Variants in CTBP2 observed in about 807,000 individuals in gnomAD.
The protein encoded by CTBP2 is C-terminal-binding protein 2.
A neutral mutation model predicts 80.3 loss-of-function variants in CTBP2; 30 were observed. The observed-to-expected ratio is 0.37, with a 90% CI of 0.28 to 0.51. The LOEUF (loss-of-function observed/expected upper bound fraction) is 0.51. Ranked by LOEUF, CTBP2 falls within the 20% of genes least tolerant of loss-of-function variation. CTBP2 has a pLI of 0.93. For missense variants in CTBP2, 1,212 were observed against 1,375.3 expected (o/e 0.88, Z 1.88); for synonymous variants, 594 against 587.4 (o/e 1.01, Z -0.16).
intron 8 of CTBP2, among the ~76,000 whole-genome samples, chr10:124,992,282 C>G (rs1363495440): frequency 7.3e-6 from 1 of 137,114 alleles, no homozygotes; most frequent in African/African-American, 2.7e-5. Context: ...GTGGCCTAGG[C>G]TGGAGTGCAG....
chr10:125,143,435 G>A (rs992548172), intron 1 of CTBP2, among the ~76,000 whole-genome samples: 13 of 152,120 alleles, frequency 8.5e-5, no homozygotes, highest in African/African-American at 2.9e-4. Flanking sequence ...CGGAGAACTC[G>A]CCACTGCACT....
In CTBP2 at chr10:125,021,167, C is replaced by T. The variant is rs948499131; in HGVS notation, c.1678+4915G>A. Among the ~76,000 whole-genome samples, 6 of 152,138 alleles carry T rather than the reference C, an allele frequency of 3.9e-5. No homozygotes were observed. The South Asian group carries it at 1.2e-3, about 32-fold the overall frequency. On this transcript the variant is annotated intron_variant, in intron 1 of 8. Coordinates refer to ENST00000309035, the MANE Select transcript of CTBP2 (RefSeq NM_022802.3). ...TCAGTAGTCCAGTGTGAGAAGAGGC[C>T]AAGGGTCAACCACGACAAGAAAAGC...
intron 2 of CTBP2, among the ~76,000 whole-genome samples, chr10:125,074,637 G>A (rs982530802): frequency 5.3e-5 from 8 of 152,222 alleles, no homozygotes; most frequent in Non-Finnish European, 1.2e-4. Context: ...GAGCCACAGT[G>A]CCTGGCGAAC....
At chr10:125,086,807 G>C (rs777399629) in intron 2 of CTBP2, among the ~76,000 whole-genome samples, 1 of 152,030 alleles carries the variant, frequency 6.6e-6, no homozygotes, top group Non-Finnish European at 1.5e-5. Context: ...TTTTGTTATA[G>C]TAGCCAAAGC....
intron 2 of CTBP2, among the ~76,000 whole-genome samples, chr10:125,053,848 C>T (rs928393627): frequency 3.9e-5 from 6 of 152,168 alleles, no homozygotes; most frequent in African/African-American, 1.2e-4. Context: ...ACAGACTGCC[C>T]TTCATGCCCA....
At chr10:125,092,318 G>A (rs1372075393) in intron 2 of CTBP2, among the ~76,000 whole-genome samples, 1 of 150,888 alleles carries the variant, frequency 6.6e-6, no homozygotes, top group Non-Finnish European at 1.5e-5. Flanking sequence ...AGCCTCCCTA[G>A]TAGCTGGGAC....
At chr10:125,117,919 T>C (rs1410650569) in intron 1 of CTBP2, among the ~76,000 whole-genome samples, 1 of 152,214 alleles carries the variant, frequency 6.6e-6, no homozygotes, top group Admixed American at 6.5e-5. Context: ...GTCTCAACTC[T>C]GAGAAGAAAA....
chr10:125,114,563 G>A (rs1362960758), intron 1 of CTBP2, among the ~76,000 whole-genome samples: 2 of 152,000 alleles, frequency 1.3e-5, no homozygotes, highest in Non-Finnish European at 2.9e-5. Flanking sequence ...TACTAAGTCA[G>A]GCATACAAAA....
At chr10:125,072,377 G>A (rs116307828) in intron 2 of CTBP2, among the ~76,000 whole-genome samples, 3 of 152,012 alleles carry the variant, frequency 2.0e-5, no homozygotes, top group Non-Finnish European at 2.9e-5. Flanking sequence ...CATTTTGAGA[G>A]GCCAAGGTGG....
chr10:125,022,140 C>T (rs939300274), intron 1 of CTBP2, among the ~76,000 whole-genome samples: 6 of 152,240 alleles, frequency 3.9e-5, no homozygotes, highest in African/African-American at 1.4e-4. Flanking sequence ...GGTGGCCTCT[C>T]CCCTGGCCCC....
intron 1 of CTBP2, among the ~76,000 whole-genome samples, chr10:125,144,137 G>A (rs75773382): frequency 6.6e-6 from 1 of 152,172 alleles, no homozygotes; most frequent in Non-Finnish European, 1.5e-5. Flanking sequence ...AAGGACACCC[G>A]TGGATGCTCT....
chr10:125,061,834 C>T (rs368614034), intron 2 of CTBP2, among the ~76,000 whole-genome samples: 5 of 152,042 alleles, frequency 3.3e-5, no homozygotes, highest in Admixed American at 1.3e-4. Flanking sequence ...GCAGGCTCCC[C>T]GGCTCACGGC....
chr10:125,034,937 T>C (rs955925699), intron 3 of CTBP2, among the ~76,000 whole-genome samples: 1 of 152,216 alleles, frequency 6.6e-6, no homozygotes, highest in Non-Finnish European at 1.5e-5. Flanking sequence ...GAGGGACTTC[T>C]AGACCACTTG....
At chr10:125,159,855 A>C (rs1861634652) in intron 1 of CTBP2, 1 of 147,576 alleles carries the variant, frequency 6.8e-6, no homozygotes, top group East Asian at 2.1e-4. Context: ...GCGCGCACCC[A>C]CCGGGCTCAG....
intron 2 of CTBP2, among the ~76,000 whole-genome samples, chr10:125,062,946 G>A (rs990237804): frequency 2.0e-5 from 3 of 152,244 alleles, no homozygotes; most frequent in African/African-American, 7.2e-5. Flanking sequence ...ATGGCCCCAA[G>A]AGAGGCTGGC....
intron 1 of CTBP2, among the ~76,000 whole-genome samples, chr10:125,155,110 A>G (rs1037289304): frequency 5.3e-5 from 8 of 152,248 alleles, no homozygotes; most frequent in African/African-American, 1.9e-4. Flanking sequence ...TCGTTCCTCA[A>G]AAAAGCAGAT....
At chr10:125,128,804 C>T (rs570225531) in intron 1 of CTBP2, among the ~76,000 whole-genome samples, 4 of 152,320 alleles carry the variant, frequency 2.6e-5, no homozygotes, top group Admixed American at 6.5e-5. Context: ...AGGAACTTAC[C>T]CAAGAGAAAT....
chr10:125,063,486 T>C (rs374431546), intron 2 of CTBP2, among the ~76,000 whole-genome samples: 2 of 152,192 alleles, frequency 1.3e-5, no homozygotes, highest in African/African-American at 2.4e-5. Flanking sequence ...GCGAAAGGCC[T>C]CATGCACGAT....
At chr10:125,028,609 A>G (rs544994569), upstream of CTBP2, among the ~76,000 whole-genome samples, 2 of 152,356 alleles carry the variant, frequency 1.3e-5, no homozygotes, top group South Asian at 4.1e-4. Context: ...ATTACTGTGA[A>G]ACACAGATGG....
Sources: allele counts gnomAD v4.1 joint callset (sites outside exome capture counted in the v4.1 genomes callset), GRCh38; gene constraint gnomAD v4.1.1; transcripts MANE v1.5; gene names NCBI Gene and HGNC (gene_info 2026-07-23, HGNC 2026-07-21).